The following ZNF846 variants were observed in gnomAD, a reference collection of about 807,000 sequenced individuals.
ZNF846 encodes the protein zinc finger protein 846, also known as zinc finger protein 420 pseudogene.
In ZNF846, 15 loss-of-function variants were observed where a neutral mutation model predicts 16.0. That is an observed-to-expected ratio of 0.94 (90% confidence interval 0.63 to 1.45). The LOEUF is 1.45. Among genes scored for constraint, ZNF846 ranks in the 40% most tolerant of loss-of-function variants. The pLI is 0.00. For synonymous variants in ZNF846, 229 were observed against 212.0 expected (o/e 1.08, Z -0.70); for missense variants, 714 against 622.3 (o/e 1.15, Z -1.57).
chr19:9,761,073 C>G (rs2045219509), intron 4 of ZNF846, among the ~76,000 whole-genome samples: 1 of 148,602 alleles, frequency 6.7e-6, no homozygotes, highest in Admixed American at 6.6e-5. Context: ...GTGGCGCACG[C>G]CTGTAGTCCC....
At chr19:9,760,426 T>C (rs2045206170) in intron 4 of ZNF846, among the ~76,000 whole-genome samples, 1 of 151,406 alleles carries the variant, frequency 6.6e-6, no homozygotes, top group African/African-American at 2.4e-5. Context: ...CTGGGCTGGG[T>C]GTGGTGGTTC....
chr19:9,774,862 G>T, intron 1 of ZNF846: 1 of 1,610,232 alleles, frequency 6.2e-7, no homozygotes, highest in Non-Finnish European at 8.5e-7. Flanking sequence ...ACCCGCTTCG[G>T]GCTGACCTAG....
chr19:9,763,105 A>C lies in ZNF846; in HGVS notation c.142+177T>G, dbSNP rs117505024. The stretch of plus-strand genomic sequence containing the variant: ...CTTTGCAGTAAGCAGAGACCATGCC[A>C]CTGCACTCCAGCCTGGGCAATAGAG... On this transcript the variant is annotated intron_variant, in intron 3 of 5. Transcript: ENST00000397902. Among the ~76,000 whole-genome samples, 41 of 151,746 alleles carry C rather than the reference A, an allele frequency of 2.7e-4. No individual in the cohort carries two copies. In the East Asian group the frequency reaches 7.2e-3, roughly 27 times the overall value.
upstream of ZNF846, chr19:9,768,707 T>C (rs1057491028): frequency 6.6e-6 from 1 of 152,344 alleles, no homozygotes; most frequent in African/African-American, 2.4e-5. Flanking sequence ...AAAACCCAGC[T>C]AGGAAGCTGC....
At chr19:9,754,779 T>G (rs1303068060), downstream of ZNF846, among the ~76,000 whole-genome samples, 4 of 151,528 alleles carry the variant, frequency 2.6e-5, no homozygotes, top group South Asian at 4.1e-4. Flanking sequence ...ACTGCCTTTT[T>G]TGTTGATTTG....
At chr19:9,758,542 A>G in exon 6 of ZNF846, 1 of 1,613,226 alleles carries the variant, frequency 6.2e-7, no homozygotes, top group Non-Finnish European at 8.5e-7. Context: ...AACTGGTTGA[A>G]GGCTTTTTCA....
At chr19:9,774,604 A>C in intron 1 of ZNF846, 1 of 1,507,824 alleles carries the variant, frequency 6.6e-7, no homozygotes, top group African/African-American at 1.4e-5. Flanking sequence ...TGACTTAGCA[A>C]GGGCTTATTG....
At chr19:9,774,703 A>G in intron 1 of ZNF846, 8 of 1,516,880 alleles carry the variant, frequency 5.3e-6, no homozygotes, top group Non-Finnish European at 7.3e-6. Context: ...CAAAGATCAC[A>G]TTTAAAACAA....
chr19:9,754,563 T>TCAAAAAAAAAAAA (rs776769152), downstream of ZNF846, among the ~76,000 whole-genome samples: 98 of 83,742 alleles, frequency 1.2e-3, 4 homozygotes, highest in Middle Eastern at 9.9e-3. Flanking sequence ...AGACTCTGTC[T>TCAAAAAAAAAAAA]TAAAAAAAAA....
chr19:9,759,143 A>C (rs1239044559), intron 5 of ZNF846, among the ~76,000 whole-genome samples: 1 of 151,822 alleles, frequency 6.6e-6, no homozygotes, highest in African/African-American at 2.4e-5. Context: ...GATTACAGGC[A>C]TGTGCCACTA....
intron 1 of ZNF846, among the ~76,000 whole-genome samples, chr19:9,777,648 C>T (rs571311413): frequency 1.7e-4 from 25 of 143,826 alleles, no homozygotes; most frequent in African/African-American, 5.8e-4. Flanking sequence ...TCCAGCCTGG[C>T]AACAAAGTGA....
At chr19:9,775,222 T>C (rs1026682884) in intron 1 of ZNF846, among the ~76,000 whole-genome samples, 3 of 151,972 alleles carry the variant, frequency 2.0e-5, no homozygotes, top group African/African-American at 7.3e-5. Context: ...TGTATATATA[T>C]ATAACAATCC....
chr19:9,769,267 C>T (rs1341636535), upstream of ZNF846, among the ~76,000 whole-genome samples: 2 of 151,792 alleles, frequency 1.3e-5, no homozygotes, highest in African/African-American at 4.8e-5. Context: ...TTTTTCTAGA[C>T]ACTTGGGTCT....
At chr19:9,752,829 T>C (rs1377324586), downstream of ZNF846, among the ~76,000 whole-genome samples, 1 of 152,210 alleles carries the variant, frequency 6.6e-6, no homozygotes, top group Admixed American at 6.5e-5. Flanking sequence ...TTTCTTCTTT[T>C]TGAATTTGAG....
downstream of ZNF846, chr19:9,752,482 G>A (rs1351682648): frequency 5.2e-6 from 2 of 387,296 alleles, no homozygotes; most frequent in Non-Finnish European, 1.0e-5. Flanking sequence ...GAGCTTGGTG[G>A]TGCATGCCTG....
At chr19:9,761,585 C>A (rs920764974) in intron 4 of ZNF846, among the ~76,000 whole-genome samples, 3 of 151,884 alleles carry the variant, frequency 2.0e-5, no homozygotes, top group Admixed American at 6.6e-5. Flanking sequence ...GTGTCAGGTG[C>A]CTGTAATCTT....
chr19:9,763,225 C>A, intron 3 of ZNF846, 57 bp downstream of exon 3: 1 of 1,478,774 alleles, frequency 6.8e-7, no homozygotes, highest in Middle Eastern at 1.8e-4. Context: ...TGACAGCAAA[C>A]ATTTAAGAAA....
intron 1 of ZNF846, among the ~76,000 whole-genome samples, chr19:9,785,339 A>G (rs1391877049): frequency 2.6e-5 from 4 of 151,726 alleles, no homozygotes; most frequent in African/African-American, 9.7e-5. Flanking sequence ...CTGGGACTAC[A>G]GGCGCCTGCC....
At chr19:9,758,651 A>T in exon 6 of ZNF846, 2 of 1,613,158 alleles carry the variant, frequency 1.2e-6, no homozygotes, top group Admixed American at 3.3e-5. Flanking sequence ...GATTATCCTC[A>T]GAAGTTTTCT....
Sources: allele counts gnomAD v4.1 joint callset (sites outside exome capture counted in the v4.1 genomes callset), GRCh38; gene constraint gnomAD v4.1.1; transcripts MANE v1.5; gene names NCBI Gene and HGNC (gene_info 2026-07-23, HGNC 2026-07-21).